CACNB4: variants seen among roughly 807,000 people sequenced by gnomAD.
CACNB4 encodes voltage-dependent L-type calcium channel subunit beta-4.
CACNB4 carries 32 observed loss-of-function variants against 71.2 expected under a neutral mutation model. The observed-to-expected ratio is 0.45, with a 90% CI of 0.34 to 0.60. The LOEUF is 0.60. Among genes scored for constraint, CACNB4 ranks in the 20% least tolerant of loss-of-function variants. The pLI is 0.01. For missense variants in CACNB4, 464 were observed against 647.9 expected (o/e 0.72, Z 3.08); for synonymous variants, 231 against 236.9 (o/e 0.97, Z 0.23).
At chr2:152,086,823 T>C (rs1487950713) in intron 2 of CACNB4, among the ~76,000 whole-genome samples, 1 of 152,192 alleles carries the variant, frequency 6.6e-6, no homozygotes, top group African/African-American at 2.4e-5. Context: ...AGGGGTTTGA[T>C]TTCCATGCAG....
At chr2:152,077,053 G>T (rs1687069746) in intron 2 of CACNB4, among the ~76,000 whole-genome samples, 1 of 152,212 alleles carries the variant, frequency 6.6e-6, no homozygotes, top group East Asian at 1.9e-4. Context: ...CATCTAGAGA[G>T]CTCAGGAAGG....
chr2:151,924,149 GC>G (rs1364521708), intron 2 of CACNB4, among the ~76,000 whole-genome samples: 2 of 133,266 alleles, frequency 1.5e-5, no homozygotes, highest in Non-Finnish European at 3.1e-5. Flanking sequence ...CGCAATCTCG[GC>G]TCACTGCTAG....
At chr2:151,875,449 C>G (rs1162387245) in intron 5 of CACNB4, among the ~76,000 whole-genome samples, 3 of 152,000 alleles carry the variant, frequency 2.0e-5, no homozygotes, top group Non-Finnish European at 4.4e-5. Flanking sequence ...CACCTTTCCC[C>G]CTTTTCTATT....
At chr2:152,025,340 G>A (rs1388860270) in intron 2 of CACNB4, among the ~76,000 whole-genome samples, 3 of 152,300 alleles carry the variant, frequency 2.0e-5, no homozygotes, top group African/African-American at 4.8e-5. Flanking sequence ...CTTCAGAGGC[G>A]AGAGCTGGGG....
At position 152,090,066 on chromosome 2, in the gene CACNB4, G is replaced by C. The variant is rs77325829; in HGVS notation, c.147+8264C>G. On this transcript the variant is annotated intron_variant, in intron 2 of 13. Coordinates refer to ENST00000539935, the MANE Select transcript of CACNB4 (RefSeq NM_000726.5). ...AGGATTTATGCTTTATTCTGAGTCA[G>C]AGCTTCAGAAATGAGACCAAAAATG... 6.6e-3 allele frequency among the ~76,000 whole-genome samples: 999 copies of C among 152,314 alleles called. 13 individuals are homozygous for C. The highest frequency in any genetic ancestry group is 0.023 in the African/African-American group (947 of 41,580).
chr2:151,971,652 T>C (rs2099872584), intron 2 of CACNB4: 2 of 702,642 alleles, frequency 2.8e-6, no homozygotes, highest in Non-Finnish European at 5.2e-6. Flanking sequence ...GTCTTCTCCA[T>C]TGGCTTGAAG....
chr2:151,927,535 G>A (rs890316088), intron 2 of CACNB4, among the ~76,000 whole-genome samples: 1 of 152,224 alleles, frequency 6.6e-6, no homozygotes, highest in African/African-American at 2.4e-5. Context: ...AGAGGTGCTG[G>A]AGTTTGGGGA....
intron 2 of CACNB4, chr2:151,973,595 G>GC: frequency 7.4e-7 from 1 of 1,355,144 alleles, no homozygotes; most frequent in East Asian, 2.3e-5. Context: ...GAAATAAGAA[G>GC]CGGGGGGGTG....
chr2:151,945,741 T>C (rs2099865395), intron 2 of CACNB4, among the ~76,000 whole-genome samples: 1 of 152,002 alleles, frequency 6.6e-6, no homozygotes, highest in Admixed American at 6.6e-5. Context: ...AGTTAATATA[T>C]GTAAAGTAGC....
chr2:152,001,526 T>TAAAAAAA (rs70974816), intron 2 of CACNB4, among the ~76,000 whole-genome samples: 29 of 35,490 alleles, frequency 8.2e-4, no homozygotes, highest in South Asian at 2.3e-3. Flanking sequence ...CCATCTCTAC[T>TAAAAAAA]AAAAAAAAAA....
At chr2:151,931,517 A>T (rs966369794) in intron 2 of CACNB4, among the ~76,000 whole-genome samples, 2 of 152,226 alleles carry the variant, frequency 1.3e-5, no homozygotes, top group Non-Finnish European at 2.9e-5. Flanking sequence ...GGCAACATCA[A>T]ATTCATGACA....
At chr2:151,870,214 T>A in intron 8 of CACNB4, 1 of 697,606 alleles carries the variant, frequency 1.4e-6, no homozygotes, top group Non-Finnish European at 2.6e-6. Flanking sequence ...CTAATAATAA[T>A]GAGAATGGTC....
intron 2 of CACNB4, among the ~76,000 whole-genome samples, chr2:152,067,395 G>C (rs957692259): frequency 6.6e-6 from 1 of 151,172 alleles, no homozygotes; most frequent in South Asian, 2.1e-4. Flanking sequence ...GTGTGGGGGG[G>C]GGGGTGCCTC....
rs553561288 is a variant in CACNB4, at chr2:151,844,496, T to C, written c.1117-2408A>G. On this transcript the variant is annotated intron_variant, in intron 12 of 13. Coordinates refer to ENST00000539935, the MANE Select transcript of CACNB4 (RefSeq NM_000726.5). ...AGTGCCAAGGAAAGCAGCTACTGCCTAGAGTTTCTGTCAACATATATGCTT... is the reference window on the plus strand; with the variant it reads ...AGTGCCAAGGAAAGCAGCTACTGCCCAGAGTTTCTGTCAACATATATGCTT... Among the ~76,000 whole-genome samples the C allele has an allele frequency of 5.3e-5, 8 of 152,276 alleles. No individual in the cohort carries two copies. The South Asian group carries it at 1.7e-3, about 32-fold the overall frequency.
chr2:151,851,368 T>A (rs2099839040), intron 12 of CACNB4: 1 of 152,196 alleles, frequency 6.6e-6, no homozygotes, highest in Non-Finnish European at 1.5e-5. Flanking sequence ...ACCTTATCCA[T>A]CCAGACTGCC....
At chr2:152,065,618 T>C (rs1376446578) in intron 2 of CACNB4, among the ~76,000 whole-genome samples, 2 of 152,230 alleles carry the variant, frequency 1.3e-5, no homozygotes, top group Non-Finnish European at 2.9e-5. Context: ...TTAACTTTCC[T>C]ACATTCTACT....
rs538618884 is a variant in CACNB4 at position 151,945,179 on chromosome 2, A to G, written c.148-61809T>C. Among the ~76,000 whole-genome samples the G allele has an allele frequency of 1.3e-5, 2 of 152,340 alleles. 1 individual carries two copies. The highest frequency in any genetic ancestry group is 3.9e-4 in the East Asian group (2 of 5,186). ...TGATTTCCAAACAAACAAAAAGTTC[A>G]TCAAAAGGAAAGCTATCTGGGATAG... On this transcript the variant is annotated intron_variant, in intron 2 of 13. Transcript: ENST00000539935.
intron 2 of CACNB4, among the ~76,000 whole-genome samples, chr2:151,987,102 GAAA>G (rs1219626479): frequency 6.6e-6 from 1 of 152,126 alleles, no homozygotes; most frequent in Non-Finnish European, 1.5e-5. Flanking sequence ...TTTCCAACAT[GAAA>G]AGTAAGGGAT....
chr2:152,074,512 C>T (rs921184333), intron 2 of CACNB4, among the ~76,000 whole-genome samples: 5 of 151,590 alleles, frequency 3.3e-5, no homozygotes, highest in African/African-American at 1.2e-4. Context: ...CCACCATTAC[C>T]GCTACTGCCA....
Sources: gnomAD v4.1 joint callset for allele counts (sites outside exome capture counted in the v4.1 genomes callset) on GRCh38, gnomAD v4.1.1 for gene constraint, MANE v1.5 for transcripts, NCBI Gene and HGNC (gene_info 2026-07-23, HGNC 2026-07-21) for gene names.